RGS7: variants seen among roughly 807,000 people sequenced by gnomAD.
RGS7 encodes the protein regulator of G-protein signaling 7.
In RGS7, 27 loss-of-function variants were observed where a neutral mutation model predicts 81.1. That is an observed-to-expected ratio of 0.33 (90% CI 0.25 to 0.46). RGS7 has a LOEUF of 0.46. RGS7 is among the 20% of genes least tolerant of loss of function. The pLI is 1.00. For synonymous variants in RGS7, 208 were observed against 207.7 expected (o/e 1.00, Z -0.01); for missense variants, 396 against 607.4 (o/e 0.65, Z 3.66).
intron 2 of RGS7, chr1:241,305,860 G>T: frequency 3.2e-6 from 1 of 308,122 alleles, no homozygotes; most frequent in South Asian, 2.7e-5. Flanking sequence ...CTTTGTTGAG[G>T]CCCACGGCCA....
At chr1:241,239,763 CCT>C (rs762989525) in intron 2 of RGS7, among the ~76,000 whole-genome samples, 1 of 152,292 alleles carries the variant, frequency 6.6e-6, no homozygotes. Context: ...TCTCAGATCT[CCT>C]GAGTCAGAAA....
intron 6 of RGS7, among the ~76,000 whole-genome samples, chr1:240,910,863 T>C (rs1258823064): frequency 6.6e-6 from 1 of 151,946 alleles, no homozygotes; most frequent in Non-Finnish European, 1.5e-5. Context: ...GAATTAAAGG[T>C]GTGTGCCACA....
intron 10 of RGS7, among the ~76,000 whole-genome samples, chr1:240,817,525 T>G (rs1307877562): frequency 2.6e-5 from 4 of 152,210 alleles, no homozygotes; most frequent in Non-Finnish European, 4.4e-5. Flanking sequence ...CACTACGTCT[T>G]GACTCTGTAT....
At chr1:240,866,444 G>A (rs927574578) in intron 9 of RGS7, among the ~76,000 whole-genome samples, 1 of 151,910 alleles carries the variant, frequency 6.6e-6, no homozygotes, top group African/African-American at 2.4e-5. Flanking sequence ...CCGGGAGGCG[G>A]AGCTTGCAGT....
At chr1:240,821,889 A>G (rs1338060472) in intron 10 of RGS7, among the ~76,000 whole-genome samples, 1 of 152,210 alleles carries the variant, frequency 6.6e-6, no homozygotes, top group African/African-American at 2.4e-5. Flanking sequence ...TGTGGGTCCA[A>G]TCACACATAC....
At chr1:240,952,485 A>C (rs549295358) in intron 4 of RGS7, among the ~76,000 whole-genome samples, 1 of 152,010 alleles carries the variant, frequency 6.6e-6, no homozygotes, top group Non-Finnish European at 1.5e-5. Flanking sequence ...GCTGCTAAAA[A>C]CTTTAACAAA....
At chr1:240,834,633 C>G (rs1007338795) in intron 9 of RGS7, among the ~76,000 whole-genome samples, 6 of 152,152 alleles carry the variant, frequency 3.9e-5, no homozygotes, top group African/African-American at 1.4e-4. Context: ...GCCTCAGCCT[C>G]CCGAGTAGCT....
chr1:241,093,959 G>A (rs2064069470), intron 3 of RGS7, among the ~76,000 whole-genome samples: 1 of 152,102 alleles, frequency 6.6e-6, no homozygotes, highest in Non-Finnish European at 1.5e-5. Flanking sequence ...AGTCGAAGTC[G>A]AAAACATAGT....
chr1:241,199,897 G>A (rs897025360), intron 2 of RGS7, among the ~76,000 whole-genome samples: 3 of 152,200 alleles, frequency 2.0e-5, no homozygotes, highest in African/African-American at 4.8e-5. Flanking sequence ...CCTGCTAGCT[G>A]TAGGACCTTT....
intron 2 of RGS7, among the ~76,000 whole-genome samples, chr1:241,304,468 C>T (rs1431829121): frequency 6.6e-6 from 1 of 152,082 alleles, no homozygotes; most frequent in Non-Finnish European, 1.5e-5. Flanking sequence ...TAGATTTTTC[C>T]ACTTGCAAGT....
At chr1:240,779,076 C>G (rs1315344240) in intron 18 of RGS7, among the ~76,000 whole-genome samples, 1 of 150,254 alleles carries the variant, frequency 6.7e-6, no homozygotes, top group African/African-American at 2.5e-5. Flanking sequence ...GGGTGAAGCT[C>G]TCATTAATGG....
At chr1:241,200,048 C>T (rs750779608) in intron 2 of RGS7, among the ~76,000 whole-genome samples, 2 of 152,042 alleles carry the variant, frequency 1.3e-5, no homozygotes, top group African/African-American at 4.8e-5. Context: ...ACAAAATAAA[C>T]GTTAGATGAA....
intron 2 of RGS7, among the ~76,000 whole-genome samples, chr1:241,260,395 T>C (rs1444956576): frequency 1.3e-5 from 2 of 152,212 alleles, no homozygotes; most frequent in Admixed American, 6.5e-5. Context: ...CCATTTACTA[T>C]ATTGGGTATA....
intron 3 of RGS7, among the ~76,000 whole-genome samples, chr1:241,094,102 T>TAA (rs2064077997): frequency 1.3e-5 from 2 of 152,184 alleles, no homozygotes; most frequent in Admixed American, 1.3e-4. Context: ...CCCAGTACTC[T>TAA]CTGCCTTATC....
intron 9 of RGS7, among the ~76,000 whole-genome samples, chr1:240,843,999 C>A (rs958661325): frequency 1.3e-5 from 2 of 152,166 alleles, no homozygotes; most frequent in Admixed American, 6.5e-5. Flanking sequence ...GTTAGCTCAG[C>A]CAGCCCCTCA....
At chr1:241,277,606 G>C (rs1199516124) in intron 2 of RGS7, among the ~76,000 whole-genome samples, 1 of 142,744 alleles carries the variant, frequency 7.0e-6, no homozygotes, top group Non-Finnish European at 1.5e-5. Flanking sequence ...GCGATAAAAC[G>C]AGACTCCATC....
intron 2 of RGS7, among the ~76,000 whole-genome samples, chr1:241,162,222 G>GCGCCCCCCCGCCCGCCCC (rs68166816): frequency 2.1e-5 from 3 of 142,026 alleles, no homozygotes; most frequent in African/African-American, 5.3e-5. Flanking sequence ...CTGGTGATCA[G>GCGCCCCCCCGCCCGCCCC]CTTCCAAATA....
chr1:241,068,257 T>TATATATATATATATAAAA (rs1433690559), intron 3 of RGS7, among the ~76,000 whole-genome samples: 8 of 73,258 alleles, frequency 1.1e-4, no homozygotes, highest in Non-Finnish European at 1.4e-4. Context: ...TATATATATA[T>TATATATATATATATAAAA]AAAATATTGT....
intron 18 of RGS7, among the ~76,000 whole-genome samples, chr1:240,776,555 A>G (rs1442665565): frequency 1.3e-5 from 2 of 152,170 alleles, no homozygotes; most frequent in Non-Finnish European, 2.9e-5. Context: ...AGCAACACCT[A>G]GGTTCCCAAC....
Sources: gnomAD v4.1 joint callset for allele counts (sites outside exome capture counted in the v4.1 genomes callset) on GRCh38, gnomAD v4.1.1 for gene constraint, MANE v1.5 for transcripts, NCBI Gene and HGNC (gene_info 2026-07-23, HGNC 2026-07-21) for gene names.